FARS2: variants seen among roughly 807,000 people sequenced by gnomAD.
The protein encoded by FARS2 is phenylalanyl-tRNA synthetase 2, mitochondrial.
FARS2 carries 40 observed loss-of-function variants against 46.4 expected under a neutral mutation model. The observed-to-expected ratio is 0.86, with a 90% CI of 0.67 to 1.12. FARS2 has a LOEUF of 1.12. Ranked by LOEUF, FARS2 falls within the 50% of genes most tolerant of loss-of-function variation. FARS2 has a pLI of 0.00. For synonymous variants in FARS2, 234 were observed against 214.9 expected (o/e 1.09, Z -0.78); for missense variants, 513 against 567.9 (o/e 0.90, Z 0.98).
At chr6:5,259,006 G>C (rs765159974), upstream of FARS2, among the ~76,000 whole-genome samples, 6 of 152,188 alleles carry the variant, frequency 3.9e-5, no homozygotes, top group Admixed American at 2.0e-4. Flanking sequence ...GAAATGGAAG[G>C]GTCCTTAGAG....
chr6:5,527,305 A>C (rs1769530791), intron 4 of FARS2, among the ~76,000 whole-genome samples: 1 of 152,230 alleles, frequency 6.6e-6, no homozygotes. Flanking sequence ...TATCTCCTAC[A>C]GTCATAGTGT....
intron 6 of FARS2, among the ~76,000 whole-genome samples, chr6:5,675,474 T>C (rs964560579): frequency 6.6e-6 from 1 of 152,244 alleles, no homozygotes; most frequent in Non-Finnish European, 1.5e-5. Context: ...TGTAGTATTG[T>C]CTGCAGTAAC....
intron 5 of FARS2, chr6:5,609,672 G>T: frequency 1.6e-6 from 2 of 1,256,550 alleles, no homozygotes; most frequent in Admixed American, 1.7e-5. Context: ...TCACAGTTGT[G>T]GCCATTCACA....
intron 4 of FARS2, among the ~76,000 whole-genome samples, chr6:5,507,729 G>A (rs760506615): frequency 1.3e-5 from 2 of 152,228 alleles, no homozygotes; most frequent in Non-Finnish European, 2.9e-5. Flanking sequence ...GTGGCCTCCC[G>A]GCTAGTGGGT....
intron 1 of FARS2, among the ~76,000 whole-genome samples, chr6:5,294,384 C>T (rs1767711284): frequency 6.6e-6 from 1 of 152,088 alleles, no homozygotes; most frequent in Non-Finnish European, 1.5e-5. Context: ...CTCTACTCTT[C>T]ACACTACAAC....
intron 4 of FARS2, among the ~76,000 whole-genome samples, chr6:5,456,515 C>T (rs1272632920): frequency 1.3e-5 from 2 of 151,352 alleles, no homozygotes; most frequent in African/African-American, 2.4e-5. Flanking sequence ...AGGCGGATCA[C>T]GAGGTCAGGA....
At chr6:5,392,887 A>G (rs1317969791) in intron 2 of FARS2, among the ~76,000 whole-genome samples, 1 of 146,278 alleles carries the variant, frequency 6.8e-6, no homozygotes, top group East Asian at 2.0e-4. Flanking sequence ...ATGTATATAT[A>G]CATATATGTG....
intron 4 of FARS2, among the ~76,000 whole-genome samples, chr6:5,533,985 T>C (rs1173317685): frequency 6.6e-6 from 1 of 152,196 alleles, no homozygotes; most frequent in African/African-American, 2.4e-5. Context: ...AATAGAACCT[T>C]AGTTAACTAT....
chr6:5,399,420 C>T (rs1406018154), intron 2 of FARS2, among the ~76,000 whole-genome samples: 2 of 152,028 alleles, frequency 1.3e-5, no homozygotes, highest in African/African-American at 4.8e-5. Flanking sequence ...AAGTGATCCT[C>T]CTGCCTTGGC....
intron 1 of FARS2, among the ~76,000 whole-genome samples, chr6:5,287,890 C>T (rs1278391918): frequency 6.6e-6 from 1 of 152,168 alleles, no homozygotes; most frequent in Non-Finnish European, 1.5e-5. Flanking sequence ...AAGCTGTTCA[C>T]TCTACTGAAG....
chr6:5,530,294 A>G (rs574195551), intron 4 of FARS2, among the ~76,000 whole-genome samples: 8 of 152,298 alleles, frequency 5.3e-5, no homozygotes, highest in African/African-American at 1.9e-4. Flanking sequence ...AGCGGCCAGG[A>G]TTCTCCAAAA....
At chr6:5,419,031 TC>T (rs139005650) in intron 3 of FARS2, among the ~76,000 whole-genome samples, 5,644 of 152,178 alleles carry the variant, frequency 0.037, 138 homozygotes, top group Non-Finnish European at 0.058. Context: ...TACATCTCAT[TC>T]CCCTCTTCGC....
chr6:5,642,258 G>A (rs1319884345), intron 6 of FARS2, among the ~76,000 whole-genome samples: 1 of 152,164 alleles, frequency 6.6e-6, no homozygotes, highest in Non-Finnish European at 1.5e-5. Context: ...GGAGGAATAG[G>A]TTTATTTCTC....
intron 6 of FARS2, among the ~76,000 whole-genome samples, chr6:5,650,671 G>A (rs1300869743): frequency 1.3e-5 from 2 of 152,126 alleles, no homozygotes; most frequent in African/African-American, 2.4e-5. Context: ...AGTAGATGGG[G>A]TTTCACCGTG....
intron 1 of FARS2, among the ~76,000 whole-genome samples, chr6:5,326,567 G>C (rs1259594935): frequency 6.6e-6 from 1 of 152,226 alleles, no homozygotes; most frequent in Non-Finnish European, 1.5e-5. Context: ...GCCAGGATTA[G>C]AGACTGAGTG....
chr6:5,297,913 A>T (rs1320648448), intron 1 of FARS2, among the ~76,000 whole-genome samples: 1 of 152,102 alleles, frequency 6.6e-6, no homozygotes. Context: ...AAACATCTCC[A>T]CTCTACCCAT....
intron 1 of FARS2, among the ~76,000 whole-genome samples, chr6:5,302,724 C>A (rs1261712604): frequency 2.0e-5 from 3 of 152,132 alleles, no homozygotes; most frequent in Admixed American, 2.0e-4. Flanking sequence ...CACTTCCTGA[C>A]TGTGTGGGGG....
At chr6:5,709,901 T>A (rs13210673) in intron 6 of FARS2, among the ~76,000 whole-genome samples, 80,806 of 152,046 alleles carry the variant, frequency 0.53, 22,099 homozygotes, top group Non-Finnish European at 0.57. Context: ...CATATTAACC[T>A]GCACTTCTTA....
chr6:5,685,703 G>A (rs1458100435), intron 6 of FARS2, among the ~76,000 whole-genome samples: 1 of 152,180 alleles, frequency 6.6e-6, no homozygotes, highest in Non-Finnish European at 1.5e-5. Flanking sequence ...GCTGGGGTAA[G>A]GGGAACATGC....
Sources: gnomAD v4.1 joint callset for allele counts (sites outside exome capture counted in the v4.1 genomes callset) on GRCh38, gnomAD v4.1.1 for gene constraint, MANE v1.5 for transcripts, NCBI Gene and HGNC (gene_info 2026-07-23, HGNC 2026-07-21) for gene names.